ADAMTS7: variants seen among roughly 807,000 people sequenced by gnomAD.
The protein encoded by ADAMTS7 is A disintegrin and metalloproteinase with thrombospondin motifs 7.
In ADAMTS7, 89 loss-of-function variants were observed where a neutral mutation model predicts 172.6. The ratio of observed to expected loss-of-function variants is 0.52; its 90% confidence interval spans 0.43 to 0.61. The LOEUF (loss-of-function observed/expected upper bound fraction) is 0.61, where lower values mean the gene tolerates loss of function less well. ADAMTS7 is among the 20% of genes least tolerant of loss of function. The pLI is 0.00. For missense variants in ADAMTS7, 1,973 were observed against 2,355.6 expected, an observed-to-expected ratio of 0.84 and a Z score of 3.36; for synonymous variants, 885 against 978.4, an observed-to-expected ratio of 0.90 and a Z score of 1.78.
At chr15:78,777,423 A>G in intron 9 of ADAMTS7, 21 bp downstream of exon 9, 1 of 1,608,616 alleles carries the variant, frequency 6.2e-7, no homozygotes. Flanking sequence ...ACACCCCCAC[A>G]CCCACACCGG....
chr15:78,796,816 G>C, intron 3 of ADAMTS7, 30 bp from the exon 4 acceptor site: 1 of 1,580,656 alleles, frequency 6.3e-7, no homozygotes, highest in Non-Finnish European at 8.6e-7. Context: ...GGAGTTAGCT[G>C]CCAGTGGACA....
intron 4 of ADAMTS7, among the ~76,000 whole-genome samples, chr15:78,795,515 C>T (rs940150708): frequency 1.3e-5 from 2 of 152,124 alleles, no homozygotes; most frequent in Admixed American, 1.3e-4. Flanking sequence ...GGTTTCACAG[C>T]GATAAACTAG....
chr15:78,800,702 A>C (rs1181237296), intron 1 of ADAMTS7, among the ~76,000 whole-genome samples, 155 bp from the exon 2 acceptor site: 1 of 152,102 alleles, frequency 6.6e-6, no homozygotes, highest in Non-Finnish European at 1.5e-5. Flanking sequence ...CTGCTATTTC[A>C]TCTTTCCGTG....
chr15:78,766,130 A>G lies in ADAMTS7; in HGVS notation c.3781T>C (p.Trp1261Arg), dbSNP rs2055142985. The G allele has an allele frequency of 1.9e-6, 3 of 1,611,004 alleles. No homozygotes were observed. The African/African-American group carries it at 4.0e-5, about 22-fold the overall frequency. Reference sequence around the variant, plus strand: ...TCCCAGGCCACTGTGCCTCCTGTCCACAGCTCCGCCACGTCAGGACTAGGA... The same window carrying G: ...TCCCAGGCCACTGTGCCTCCTGTCCGCAGCTCCGCCACGTCAGGACTAGGA... Reference protein sequence around the residue: ...SSPSPDVAELWTGGTVAWEPA... With the variant: ...SSPSPDVAELRTGGTVAWEPA... The change falls in exon 19 of 24, where the codon TGG becomes CGG. Residue 1261 changes from tryptophan (W) to arginine (R), a missense_variant. Transcript: ENST00000388820.
chr15:78,797,895 T>C, intron 3 of ADAMTS7, 53 bp downstream of exon 3: 1 of 1,562,304 alleles, frequency 6.4e-7, no homozygotes, highest in African/African-American at 1.4e-5. Flanking sequence ...GAAAGGCCCC[T>C]TCATGTCCCC....
intron 4 of ADAMTS7, among the ~76,000 whole-genome samples, chr15:78,795,701 G>A (rs1203976232): frequency 6.6e-6 from 1 of 152,188 alleles, no homozygotes; most frequent in Non-Finnish European, 1.5e-5. Flanking sequence ...GAGAGAAACA[G>A]GGTTATATGG....
chr15:78,760,433 T>A (rs1344546192), intron 23 of ADAMTS7, among the ~76,000 whole-genome samples: 21 of 152,182 alleles, frequency 1.4e-4, no homozygotes, highest in African/African-American at 2.9e-4. Flanking sequence ...GCCCTGGGCC[T>A]GGGACATCCC....
chr15:78,804,278 A>G (rs1043778557), intron 1 of ADAMTS7, among the ~76,000 whole-genome samples: 1 of 152,224 alleles, frequency 6.6e-6, no homozygotes, highest in Non-Finnish European at 1.5e-5. Flanking sequence ...CTCTTTGGAC[A>G]CCAGTTCTAG....
In ADAMTS7 at chr15:78,777,726, C is replaced by T. The variant is rs192879297; in HGVS notation, c.1323-138G>A. 376 of 1,140,862 alleles carry T rather than the reference C, an allele frequency of 3.3e-4. No homozygotes were observed. The African/African-American group carries it at 4.9e-3, about 15-fold the overall frequency. The allele number at this position is 1,140,862 out of a possible 1,614,324, so 70.7% of individuals were successfully genotyped here. A position where few individuals can be genotyped will look rare whatever the true frequency, so the allele number is the denominator to read the frequency against. On this transcript the variant is annotated intron_variant, in intron 8 of 23. Transcript: ENST00000388820. ...TGTAGGAAACTCCAGCCTCCCCGCT[C>T]GGCTCAGCCGATCCTCCACCTGCAG...
rs770827049 is a variant in ADAMTS7 at position 78,765,976 on chromosome 15, G to A, written c.3935C>T (p.Pro1312Leu). The A allele has an allele frequency of 2.6e-5, 41 of 1,595,834 alleles. No individual in the cohort carries two copies. The highest frequency in any genetic ancestry group is 1.8e-4 in the Admixed American group (10 of 55,922). Residue 1312 changes from proline to leucine, a missense_variant, in exon 19 of 24, where the codon CCG becomes CTG. This residue lies in a region of ADAMTS7 where 771 missense variants were observed against 952.6 expected (regional missense o/e 0.81). Coordinates refer to ENST00000388820, the MANE Select transcript of ADAMTS7 (RefSeq NM_014272.5). ...EMKVRDSSLE[P>L]GTPSFPTPGP... Reference sequence around the variant, plus strand: ...TGGGGTTGGGAAGGAGGGAGTCCCCGGCTCCAGGGAACTGTCCCTGACCTT... The same window carrying A: ...TGGGGTTGGGAAGGAGGGAGTCCCCAGCTCCAGGGAACTGTCCCTGACCTT...
chr15:78,766,887 G>A lies in ADAMTS7; in HGVS notation c.3024C>T (p.Ser1008=), dbSNP rs763194336. The A allele has an allele frequency of 8.5e-5, 137 of 1,609,112 alleles. No individual in the cohort carries two copies. The South Asian group carries it at 1.3e-3, about 15-fold the overall frequency. The change falls in exon 19 of 24, where the codon AGC becomes AGT. Residue 1008 remains serine, a synonymous_variant. Coordinates refer to ENST00000388820, the MANE Select transcript of ADAMTS7 (RefSeq NM_014272.5). The part of the protein sequence containing the change: ...LGTLGPEGSG[S]GSSSHELFNE... Reference sequence around the variant, plus strand: ...TGAAGAGCTCGTGGCTGGAGGAGCCGCTGCCTGAGCCTTCAGGGCCCAGTG... The same window carrying A: ...TGAAGAGCTCGTGGCTGGAGGAGCCACTGCCTGAGCCTTCAGGGCCCAGTG...
At chr15:78,793,513 C>A (rs1251675327) in intron 4 of ADAMTS7, among the ~76,000 whole-genome samples, 1 of 152,150 alleles carries the variant, frequency 6.6e-6, no homozygotes, top group East Asian at 1.9e-4. Flanking sequence ...CAGGTGTGCA[C>A]CACCATGCCT....
Position 78,800,540 on chromosome 15 carries a change from T to G in ADAMTS7, c.108A>C (p.Ala36=). The G allele has an allele frequency of 6.3e-7, 1 of 1,590,674 alleles. No individual in the cohort carries two copies. Among genetic ancestry groups the G allele is most frequent in the East Asian group, 2.3e-5 (1 of 43,774 alleles). ...PGAPGPAPGR[A]TEGRAALDIV... ...TGTCCAGTGCCGCCCGGCCCTCGGT[T>G]GCACGTCCTGCAGGGAGAGAACCAC... Residue 36 remains alanine (A), a synonymous_variant, in exon 2 of 24, where the codon GCA becomes GCC. Transcript: ENST00000388820.
At chr15:78,763,898 TC>T in intron 21 of ADAMTS7, 27 bp downstream of exon 21, 5 of 1,557,444 alleles carry the variant, frequency 3.2e-6, no homozygotes, top group Non-Finnish European at 2.6e-6. Context: ...GGGCGTCCCC[TC>T]CCCCCAACTC....
intron 1 of ADAMTS7, among the ~76,000 whole-genome samples, chr15:78,808,907 C>T (rs2055830719): frequency 6.6e-6 from 1 of 152,208 alleles, no homozygotes; most frequent in African/African-American, 2.4e-5. Flanking sequence ...AATATCTCCC[C>T]TGGGTGACAG....
rs3825816 is a variant in ADAMTS7 at position 78,771,374 on chromosome 15, C to G, written c.2377-71G>C. On this transcript the variant is annotated intron_variant, in intron 15 of 23. Transcript: ENST00000388820. This position sits in a 1 kb window ranked among gnomAD's most constrained non-coding sequence, Gnocchi z 4.9. The stretch of plus-strand genomic sequence containing the variant: ...TCCACCCAGTCCTAAAGGAGCTGAC[C>G]CCAGCCACCTCTGTGAACTGCAGCT... 1 of 1,606,278 alleles carries G rather than the reference C, an allele frequency of 6.2e-7. No individual in the cohort carries two copies. Among genetic ancestry groups the G allele is most frequent in the South Asian group, 1.1e-5 (1 of 90,010 alleles).
chr15:78,794,759 C>T (rs1181949089), intron 4 of ADAMTS7, among the ~76,000 whole-genome samples: 1 of 152,084 alleles, frequency 6.6e-6, no homozygotes, highest in Non-Finnish European at 1.5e-5. Flanking sequence ...GCTCTGTCAC[C>T]CAGGCAGGAG....
chr15:78,759,230 T>C lies in ADAMTS7; in HGVS notation c.*191A>G. ...CTTTGGAATGGTAGATGCTCATTTATGTAAAATCATAATAAATGTTACACA... is the reference window on the plus strand; with the variant it reads ...CTTTGGAATGGTAGATGCTCATTTACGTAAAATCATAATAAATGTTACACA... On this transcript the variant is annotated 3_prime_UTR_variant, in exon 24 of 24. Coordinates refer to ENST00000388820, the MANE Select transcript of ADAMTS7 (RefSeq NM_014272.5). The C allele has an allele frequency of 2.0e-6, 1 of 496,462 alleles. No individual in the cohort carries two copies. The highest frequency in any genetic ancestry group is 3.4e-5 in the East Asian group (1 of 29,420). The allele number at this position is 496,462 out of a possible 1,614,324, so 30.8% of individuals were successfully genotyped here.
rs771128977 is a variant in ADAMTS7, at chr15:78,766,543, C to T, written c.3368G>A (p.Gly1123Glu). 3 of 1,598,132 alleles carry T rather than the reference C, an allele frequency of 1.9e-6. No individual in the cohort carries two copies. The highest frequency in any genetic ancestry group is 2.7e-5 in the African/African-American group (2 of 74,738). ...GCTCGGGGACCAAGGTCCCAGTACC[C>T]CCTCCTCCTTGGCTGCAGGAGGCTC... ...ATEPPAAKEE[G>E]VLGPWSPSPW... Residue 1123 changes from glycine to glutamate, a missense_variant, in exon 19 of 24, where the codon GGG becomes GAG. Gly to Glu is a moderately conservative substitution (Grantham distance 98). This residue lies in a region of ADAMTS7 where 771 missense variants were observed against 952.6 expected (regional missense o/e 0.81). Transcript: ENST00000388820.
Sources: allele counts gnomAD v4.1 joint callset (sites outside exome capture counted in the v4.1 genomes callset), GRCh38; gene constraint gnomAD v4.1.1; regional missense constraint gnomAD v4.1.1; non-coding constraint Gnocchi (gnomAD v3.1); transcripts MANE v1.5; gene names NCBI Gene and HGNC (gene_info 2026-07-23, HGNC 2026-07-21).